The following RHBDF1 variants were observed in gnomAD, a reference collection of about 807,000 sequenced individuals.
RHBDF1 encodes the protein rhomboid 5 homolog 1.
Under a neutral mutation model 98.6 loss-of-function variants are expected in RHBDF1, and 80 were observed. The ratio of observed to expected loss-of-function variants is 0.81; its 90% CI spans 0.68 to 0.98. The LOEUF (loss-of-function observed/expected upper bound fraction) is 0.98. Ranked by LOEUF, RHBDF1 falls within the 50% of genes least tolerant of loss-of-function variation. The probability of loss-of-function intolerance (pLI) is 0.00; values close to 1 mark genes in which losing one functional copy is unlikely to be tolerated. For synonymous variants in RHBDF1, 512 were observed against 486.8 expected, an observed-to-expected ratio of 1.05 and a Z score of -0.68; for missense variants, 1,116 against 1,198.3, an observed-to-expected ratio of 0.93 and a Z score of 1.01.
intron 13 of RHBDF1, 52 bp downstream of exon 13, chr16:60,164 C>T (rs1897553590): frequency 6.2e-7 from 1 of 1,612,070 alleles, no homozygotes; most frequent in South Asian, 1.1e-5. Context: ...GTGTGGCATT[C>T]TCTCCCACAT....
intron 3 of RHBDF1, chr16:64,445 G>A (rs1447914187): frequency 1.4e-6 from 2 of 1,480,716 alleles, no homozygotes; most frequent in African/African-American, 2.8e-5. Context: ...CGGCTGCTAA[G>A]AGGCAAGAGC....
intron 1 of RHBDF1, among the ~76,000 whole-genome samples, chr16:68,880 G>A (rs538844466): frequency 2.4e-4 from 37 of 152,340 alleles, no homozygotes; most frequent in Admixed American, 2.1e-3. Context: ...GGGAGAGCCA[G>A]AAAGCAGGAG....
rs376068485 is a variant in RHBDF1 at position 62,764 on chromosome 16, G to A, written c.795+11C>T. 9.9e-6 allele frequency: 16 copies of A among 1,613,952 alleles called. No individual in the cohort carries two copies. Among genetic ancestry groups the A allele is most frequent in the Middle Eastern group, 1.6e-4 (1 of 6,084 alleles). ...AACGTGGGGTGGGGGGACACCCCGG[G>A]CACTTCTTACCCGGGCAAAGAAGGA... On this transcript the variant is annotated intron_variant, in intron 6 of 17. Coordinates refer to ENST00000262316, the MANE Select transcript of RHBDF1 (RefSeq NM_022450.5).
chr16:61,721 G>C lies in RHBDF1; in HGVS notation c.1209-25C>G, dbSNP rs916852082. ...CCTGCGGGGTGGAGCGTCAGCGGGG[G>C]CCTCATCCCCGACCCGGAGCCCCCA... On this transcript the variant is annotated intron_variant, in intron 8 of 17. Coordinates refer to ENST00000262316, the MANE Select transcript of RHBDF1 (RefSeq NM_022450.5). 3 of 1,612,482 alleles carry C rather than the reference G, an allele frequency of 1.9e-6. No homozygotes were observed. In the African/African-American group the frequency reaches 4.0e-5, roughly 21 times the overall value.
chr16:71,850 G>A (rs998136359), intron 1 of RHBDF1, among the ~76,000 whole-genome samples: 4 of 152,234 alleles, frequency 2.6e-5, no homozygotes, highest in Admixed American at 2.6e-4. Context: ...CCCCAGCCGG[G>A]AGAAGGCCTG....
chr16:72,238 A>T (rs1011928779), intron 1 of RHBDF1, among the ~76,000 whole-genome samples: 3 of 152,102 alleles, frequency 2.0e-5, no homozygotes, highest in Non-Finnish European at 4.4e-5. Context: ...TGGGGCTGCT[A>T]ATCCGGCCAC....
intron 1 of RHBDF1, 132 bp from the exon 2 acceptor site, chr16:65,171 T>A: frequency 1.1e-6 from 1 of 947,356 alleles, no homozygotes; most frequent in Non-Finnish European, 1.5e-6. Context: ...GTCAGAGCAC[T>A]ACTGTGTGCT....
chr16:61,134 C>G lies in RHBDF1; in HGVS notation c.1543G>C (p.Glu515Gln). The part of the protein sequence containing the change: ...NDRSGCVQTS[E>Q]EECSSTLAVW... The stretch of plus-strand genomic sequence containing the variant: ...GGGAAACGCACCGAGCACTCCTCCT[C>G]CGAGGTCTGCACGCAGCCCGACCTG... The change falls in exon 11 of 18, where the codon GAG becomes CAG. Residue 515 changes from glutamate to glutamine, a missense_variant. Glu to Gln is a conservative substitution (Grantham distance 29). Coordinates refer to ENST00000262316, the MANE Select transcript of RHBDF1 (RefSeq NM_022450.5). 6.5e-7 allele frequency: 1 copy of G among 1,533,962 alleles called. No homozygotes were observed. Among genetic ancestry groups the G allele is most frequent in the Non-Finnish European group, 8.8e-7 (1 of 1,142,826 alleles).
At position 63,092 on chromosome 16, in the gene RHBDF1, C is replaced by A. The variant is rs1325744887; in HGVS notation, c.553G>T (p.Gly185Cys). ...GAGAAGGAGCAGAGGGAGGCAGCAC[C>A]CGGCGTGACGGGAGTGTGTGGGGCA... ...LSAPHTPVTP[G>C]AASLCSFSSS... Residue 185 changes from glycine to cysteine, a missense_variant, in exon 5 of 18, where the codon GGT (glycine) becomes TGT (cysteine). Transcript: ENST00000262316. 6.2e-7 allele frequency: 1 copy of A among 1,610,804 alleles called. No individual in the cohort carries two copies. The highest frequency in any genetic ancestry group is 1.1e-5 in the South Asian group (1 of 90,764).
rs762027835 is a variant in RHBDF1, at chr16:62,636, C to T, written c.855G>A (p.Ser285=). Residue 285 remains serine, a synonymous_variant, in exon 7 of 18, where the codon TCG becomes TCA. Transcript: ENST00000262316. ...TYPDEVFESP[S]EAALKDWEKA... is the part of the protein sequence containing the mutation. Reference sequence around the variant, plus strand: ...TCTCCCAGTCCTTTAGCGCTGCCTCCGATGGGGACTCGAAAACTTCATCCG... The same window carrying T: ...TCTCCCAGTCCTTTAGCGCTGCCTCTGATGGGGACTCGAAAACTTCATCCG... 1.2e-5 allele frequency: 19 copies of T among 1,613,928 alleles called. No homozygotes were observed. The highest frequency in any genetic ancestry group is 2.7e-5 in the African/African-American group (2 of 74,934).
chr16:59,194 GCCAGC>G, intron 16 of RHBDF1, 50 bp downstream of exon 16: 2 of 1,594,678 alleles, frequency 1.3e-6, no homozygotes, highest in Admixed American at 3.4e-5. Flanking sequence ...GCCACCCCCA[GCCAGC>G]CAATCCTGAG....
At chr16:66,461 C>G (rs1897832374) in intron 1 of RHBDF1, among the ~76,000 whole-genome samples, 1 of 152,176 alleles carries the variant, frequency 6.6e-6, no homozygotes. Context: ...CTTATGCCAG[C>G]CAGGGACAGG....
chr16:62,632 C>A lies in RHBDF1; in HGVS notation c.859G>T (p.Ala287Ser). 3 of 1,614,046 alleles carry A rather than the reference C, an allele frequency of 1.9e-6. No homozygotes were observed. Among genetic ancestry groups the A allele is most frequent in the Non-Finnish European group, 2.5e-6 (3 of 1,180,036 alleles). ...PDEVFESPSE[A>S]ALKDWEKAPE... ...GCCTTCTCCCAGTCCTTTAGCGCTG[C>A]CTCCGATGGGGACTCGAAAACTTCA... The change falls in exon 7 of 18, where the codon GCA becomes TCA. Residue 287 changes from alanine (A) to serine (S), a missense_variant. Transcript: ENST00000262316.
intron 3 of RHBDF1, 37 bp downstream of exon 3, chr16:64,662 G>T: frequency 6.3e-7 from 1 of 1,582,614 alleles, no homozygotes; most frequent in Non-Finnish European, 8.6e-7. Flanking sequence ...CCAGCCCCCA[G>T]CTCCCACCCC....
intron 1 of RHBDF1, among the ~76,000 whole-genome samples, chr16:69,822 T>C (rs1378002077): frequency 6.6e-6 from 1 of 152,092 alleles, no homozygotes; most frequent in Non-Finnish European, 1.5e-5. Context: ...TTTGCAGGGT[T>C]CTCTCCAGGT....
intron 4 of RHBDF1, 68 bp from the exon 5 acceptor site, chr16:63,250 G>A: frequency 7.5e-7 from 1 of 1,337,612 alleles, no homozygotes; most frequent in East Asian, 2.5e-5. Flanking sequence ...AGGCACAGAG[G>A]CCTTGCAAAG....
At chr16:69,287 C>A (rs1472820564) in intron 1 of RHBDF1, among the ~76,000 whole-genome samples, 1 of 152,160 alleles carries the variant, frequency 6.6e-6, no homozygotes, top group Non-Finnish European at 1.5e-5. Context: ...TGTACTCAGG[C>A]CTGCCCTGCA....
At chr16:61,561 C>A (rs893719217) in intron 9 of RHBDF1, 24 bp downstream of exon 9, 2 of 1,612,384 alleles carry the variant, frequency 1.2e-6, no homozygotes, top group Admixed American at 3.3e-5. Context: ...CTCGTCTGGG[C>A]CCAGGGAAGG....
chr16:63,984 C>A, intron 3 of RHBDF1, 184 bp from the exon 4 acceptor site: 1 of 740,694 alleles, frequency 1.4e-6, no homozygotes, highest in Non-Finnish European at 2.4e-6. Flanking sequence ...AACTGTTAGC[C>A]AACTCCAAGT....
Sources: allele counts gnomAD v4.1 joint callset (sites outside exome capture counted in the v4.1 genomes callset), GRCh38; gene constraint gnomAD v4.1.1; transcripts MANE v1.5; gene names NCBI Gene and HGNC (gene_info 2026-07-23, HGNC 2026-07-21).